HMGA1: variants seen among roughly 807,000 people sequenced by gnomAD.
HMGA1 encodes high mobility group AT-hook 1.
HMGA1 carries 1 observed loss-of-function variant against 15.1 expected under a neutral mutation model. The ratio of observed to expected loss-of-function variants is 0.07; its 90% CI spans 0.02 to 0.31. The LOEUF is 0.31. Among genes scored for constraint, HMGA1 ranks in the 10% least tolerant of loss-of-function variants. The pLI is 1.00. For missense variants in HMGA1, 94 were observed against 141.4 expected (o/e 0.66, Z 1.70); for synonymous variants, 56 against 54.8 (o/e 1.02, Z -0.10).
At chr6:34,237,493 C>T (rs1761872384) in intron 2 of HMGA1, among the ~76,000 whole-genome samples, 176 bp downstream of exon 2, 3 of 143,576 alleles carry the variant, frequency 2.1e-5, no homozygotes, top group Non-Finnish European at 4.6e-5. Flanking sequence ...CGGGGGCGGG[C>T]GGCGGGGCCC....
chr6:34,236,883 T>A lies in HMGA1; in HGVS notation c.-239T>A, dbSNP rs1428079622. 1 of 152,174 alleles carries A rather than the reference T, an allele frequency of 6.6e-6. No individual in the cohort carries two copies. Among genetic ancestry groups the A allele is most frequent in the Non-Finnish European group, 1.5e-5 (1 of 67,976 alleles). 9.4% of individuals were successfully genotyped at this position (152,174 alleles called of 1,614,324 possible). ...TGCCCCTGGGTCGCTCTTTTTAAGCTCCCCTGAGCCGGTGCTGCGCTCCTC... is the reference window on the plus strand; with the variant it reads ...TGCCCCTGGGTCGCTCTTTTTAAGCACCCCTGAGCCGGTGCTGCGCTCCTC... On this transcript the variant is annotated 5_prime_UTR_variant, in exon 1 of 6. Transcript: ENST00000311487.
chr6:34,243,128 G>T (rs915137886), intron 4 of HMGA1, among the ~76,000 whole-genome samples: 18 of 152,172 alleles, frequency 1.2e-4, no homozygotes, highest in Admixed American at 6.5e-4. Flanking sequence ...TTCTCTTGGG[G>T]TTCCCTGGAG....
intron 4 of HMGA1, 65 bp downstream of exon 4, chr6:34,242,860 T>G: frequency 8.1e-7 from 1 of 1,228,656 alleles, no homozygotes; most frequent in Non-Finnish European, 1.2e-6. Flanking sequence ...GTTGGCACCA[T>G]GGCCACGGCT....
At chr6:34,237,865 C>T (rs1360844240) in intron 2 of HMGA1, among the ~76,000 whole-genome samples, 1 of 151,942 alleles carries the variant, frequency 6.6e-6, no homozygotes, top group Non-Finnish European at 1.5e-5. Context: ...TCTCGCGCCC[C>T]CTCCGCAGAT....
intron 4 of HMGA1, 123 bp downstream of exon 4, chr6:34,242,918 T>A (rs1166513335): frequency 4.1e-6 from 3 of 738,126 alleles, no homozygotes; most frequent in Non-Finnish European, 7.3e-6. Flanking sequence ...GTGTACCCCC[T>A]TCCCTGGTAC....
rs1334493771 is a variant in HMGA1, at chr6:34,245,670, C to T, written c.*786C>T. 10 of 1,287,058 alleles carry T rather than the reference C, an allele frequency of 7.8e-6. No homozygotes were observed. In the East Asian group the frequency reaches 1.1e-4, roughly 14 times the overall value. The allele number at this position is 1,287,058 out of a possible 1,614,324, so 79.7% of individuals were successfully genotyped here. On this transcript the variant is annotated 3_prime_UTR_variant, in exon 6 of 6. Coordinates refer to ENST00000311487, the MANE Select transcript of HMGA1 (RefSeq NM_145899.3). Reference sequence around the variant, plus strand: ...AGGCCCAAGAGCCCTGTGGCCGCCACCTGAGGTGGGCTGGGGCTGCTCCCC... The same window carrying T: ...AGGCCCAAGAGCCCTGTGGCCGCCATCTGAGGTGGGCTGGGGCTGCTCCCC...
At chr6:34,243,627 C>T (rs747995956) in intron 5 of HMGA1, 109 bp downstream of exon 5, 24 of 898,362 alleles carry the variant, frequency 2.7e-5, no homozygotes, top group Non-Finnish European at 4.0e-5. Flanking sequence ...CTCTCCTTGA[C>T]CTGCTGGGAC....
At chr6:34,243,007 C>T (rs1762425368) in intron 4 of HMGA1, among the ~76,000 whole-genome samples, 1 of 152,026 alleles carries the variant, frequency 6.6e-6, no homozygotes, top group African/African-American at 2.4e-5. Context: ...TTGGTCCTGC[C>T]CAGGACACTG....
At position 34,245,582 on chromosome 6, in the gene HMGA1, C is replaced by G; in HGVS notation, c.*698C>G. The G allele has an allele frequency of 7.2e-7, 1 of 1,381,158 alleles. No individual in the cohort carries two copies. Among genetic ancestry groups the G allele is most frequent in the South Asian group, 1.2e-5 (1 of 81,442 alleles). The allele number at this position is 1,381,158 out of a possible 1,614,324, so 85.6% of individuals were successfully genotyped here. A position where few individuals can be genotyped will look rare whatever the true frequency, so the allele number is the denominator to read the frequency against. On this transcript the variant is annotated 3_prime_UTR_variant, in exon 6 of 6. Transcript: ENST00000311487. ...TTCACTGTGGCCACAGCCCCCTTGC[C>G]CTCCGCCTGGGATCTGAGTACATAT...
chr6:34,239,656 CG>C (rs2127540665), intron 2 of HMGA1, among the ~76,000 whole-genome samples: 1 of 151,056 alleles, frequency 6.6e-6, no homozygotes, highest in South Asian at 2.1e-4. Flanking sequence ...CCTAGGCCTC[CG>C]GCGTCTCATC....
At chr6:34,243,377 G>A (rs1406103584) in intron 4 of HMGA1, 91 bp from the exon 5 acceptor site, 4 of 984,774 alleles carry the variant, frequency 4.1e-6, no homozygotes, top group Non-Finnish European at 6.4e-6. Context: ...ACCCTGAACA[G>A]GCAGGTAGGT....
At position 34,245,793 on chromosome 6, in the gene HMGA1, GCTC is replaced by G; in HGVS notation, c.*914_*916del. ...CCTGCCCGCTCCCAACCCCCCTCCT[GCTC>G]CTCCCTGCCCCCCAAGGTTCTGGTT... On this transcript the variant is annotated 3_prime_UTR_variant, in exon 6 of 6. Coordinates refer to ENST00000311487, the MANE Select transcript of HMGA1 (RefSeq NM_145899.3). The G allele has an allele frequency of 4.8e-6, 2 of 417,602 alleles. No individual in the cohort carries two copies. The highest frequency in any genetic ancestry group is 9.2e-6 in the Non-Finnish European group (2 of 217,622). 25.9% of individuals were successfully genotyped at this position (417,602 alleles called of 1,614,324 possible).
chr6:34,245,181 C>G lies in HMGA1; in HGVS notation c.*297C>G, dbSNP rs773969172. 1.0e-5 allele frequency: 15 copies of G among 1,437,036 alleles called. No homozygotes were observed. The South Asian group carries it at 1.6e-4, about 15-fold the overall frequency. 89.0% of individuals were successfully genotyped at this position (1,437,036 alleles called of 1,614,324 possible). Reference sequence around the variant, plus strand: ...GGACAAGGCTAACATCCCACTTAGCCGCACCCTGCACCTGCTGCGTCCCCA... The same window carrying G: ...GGACAAGGCTAACATCCCACTTAGCGGCACCCTGCACCTGCTGCGTCCCCA... On this transcript the variant is annotated 3_prime_UTR_variant, in exon 6 of 6. Coordinates refer to ENST00000311487, the MANE Select transcript of HMGA1 (RefSeq NM_145899.3).
chr6:34,238,591 AGT>A (rs1762029452), intron 2 of HMGA1, among the ~76,000 whole-genome samples: 2 of 152,152 alleles, frequency 1.3e-5, no homozygotes. Flanking sequence ...TTGCATGCAC[AGT>A]GTATGGAGGA....
intron 5 of HMGA1, 131 bp from the exon 6 acceptor site, chr6:34,244,700 C>CA: frequency 1.3e-6 from 1 of 763,454 alleles, no homozygotes; most frequent in South Asian, 1.5e-5. Flanking sequence ...TGCTGAGTCA[C>CA]CCACACACTC....
intron 2 of HMGA1, among the ~76,000 whole-genome samples, chr6:34,237,658 C>T (rs1257860138): frequency 4.2e-5 from 6 of 143,120 alleles, no homozygotes. Flanking sequence ...GCCCGGCGCA[C>T]CTCGCGCGGC....
At chr6:34,243,670 G>T in intron 5 of HMGA1, 152 bp downstream of exon 5, 1 of 755,266 alleles carries the variant, frequency 1.3e-6, no homozygotes, top group Non-Finnish European at 2.4e-6. Flanking sequence ...AGAGGGGAAG[G>T]TACCTGGCCT....
In HMGA1 at chr6:34,242,536, C is replaced by T. The variant is rs142767285; in HGVS notation, c.136-176C>T. On this transcript the variant is annotated intron_variant, in intron 3 of 5. Transcript: ENST00000311487. ...GAAGCAAGGGGAGAGGTGGGAGGCACTTTGCAAAGATGCTCAAACTGGAGC... is the reference window on the plus strand; with the variant it reads ...GAAGCAAGGGGAGAGGTGGGAGGCATTTTGCAAAGATGCTCAAACTGGAGC... 2.9e-3 allele frequency among the ~76,000 whole-genome samples: 442 copies of T among 152,212 alleles called. 2 individuals are homozygous for T. The highest frequency in any genetic ancestry group is 0.01 in the African/African-American group (419 of 41,510).
rs1762652375 is a variant in HMGA1, at chr6:34,245,257, C to T, written c.*373C>T. On this transcript the variant is annotated 3_prime_UTR_variant, in exon 6 of 6. Transcript: ENST00000311487. ...CTCTGGGCTTTTGGTTTGGGGGCGC[C>T]CTCTCTGCTCCTTCACTGTTCCCTC... The T allele has an allele frequency of 1.5e-6, 2 of 1,377,332 alleles. No individual in the cohort carries two copies. The highest frequency in any genetic ancestry group is 1.9e-6 in the Non-Finnish European group (2 of 1,043,870). 85.3% of individuals were successfully genotyped at this position (1,377,332 alleles called of 1,614,324 possible).
Sources: gnomAD v4.1 joint callset for allele counts (sites outside exome capture counted in the v4.1 genomes callset) on GRCh38, gnomAD v4.1.1 for gene constraint, MANE v1.5 for transcripts, NCBI Gene and HGNC (gene_info 2026-07-23, HGNC 2026-07-21) for gene names.